Variants in STAG2 observed in about 807,000 individuals in gnomAD.
STAG2 encodes the protein cohesin subunit SA-2.
Under a neutral mutation model 108.1 loss-of-function variants are expected in STAG2, and 14 were observed. The ratio of observed to expected loss-of-function variants is 0.13; its 90% CI spans 0.09 to 0.20. The LOEUF is 0.20. Ranked by LOEUF, STAG2 falls within the 10% of genes least tolerant of loss-of-function variation. STAG2 has a pLI of 1.00. For missense variants in STAG2, 440 were observed against 940.9 expected, an observed-to-expected ratio of 0.47 and a Z score of 6.96; for synonymous variants, 307 against 302.7, an observed-to-expected ratio of 1.01 and a Z score of -0.15.
At chrX:124,072,679 A>AGTG (rs1366329758) in intron 25 of STAG2, among the ~76,000 whole-genome samples, 40 of 98,815 alleles carry the variant, frequency 4.0e-4, no homozygotes, top group Admixed American at 8.9e-4. Context: ...AAGTAATTAT[A>AGTG]GTGTTGTTGT....
intron 1 of STAG2, among the ~76,000 whole-genome samples, chrX:124,008,215 CTTTT>C (rs1198252142): frequency 1.0e-5 from 1 of 97,448 alleles, no homozygotes. Context: ...AATTTTCTTT[CTTTT>C]TTTTTTTTTT....
chrX:124,050,466 A>G (rs1418261715), intron 11 of STAG2, among the ~76,000 whole-genome samples, 157 bp downstream of exon 11: 1 of 111,237 alleles, frequency 9.0e-6, no homozygotes, highest in Non-Finnish European at 1.9e-5. Context: ...CTTATTTTCT[A>G]TCACATAAAG....
rs2059116300 is a variant in STAG2, at chrX:124,086,701, G to C, written c.3208G>C (p.Val1070Leu). Residue 1070 changes from valine (V) to leucine (L), a missense_variant, in exon 30 of 35, where the codon GTA becomes CTA. Transcript: ENST00000371145. ...ISGISSRGST[V>L]RSKKSKPSTG... ...TGGAATCAGCAGCCGGGGGTCAACA[G>C]TACGGAGTAAAAAATCAAAACCATC... The C allele has an allele frequency of 8.3e-7, 1 of 1,211,082 alleles. No individual in the cohort carries two copies. The highest frequency in any genetic ancestry group is 1.1e-6 in the Non-Finnish European group (1 of 895,388).
intron 16 of STAG2, 112 bp downstream of exon 16, chrX:124,061,453 C>T: frequency 1.8e-6 from 1 of 546,593 alleles, no homozygotes; most frequent in Non-Finnish European, 3.0e-6. Context: ...AAAAATCTTA[C>T]TTCGTGCATA....
intron 3 of STAG2, among the ~76,000 whole-genome samples, chrX:124,022,878 T>C (rs928284594): frequency 2.7e-5 from 3 of 112,410 alleles, no homozygotes; most frequent in African/African-American, 9.7e-5. Context: ...TTTAAATTTG[T>C]CTTTTAGTTT....
chrX:123,977,753 C>A (rs2054685616), intron 1 of STAG2, among the ~76,000 whole-genome samples: 1 of 107,649 alleles, frequency 9.3e-6, no homozygotes, highest in Non-Finnish European at 1.9e-5. Context: ...GCATAGTGAG[C>A]TTAAACTTTT....
chrX:124,051,810 T>C (rs1271494033), intron 13 of STAG2, among the ~76,000 whole-genome samples: 1 of 111,369 alleles, frequency 9.0e-6, no homozygotes, highest in Non-Finnish European at 1.9e-5. Flanking sequence ...CAGGATGGTC[T>C]CGATCTCCTG....
At chrX:124,091,828 A>G (rs923995444) in intron 32 of STAG2, among the ~76,000 whole-genome samples, 6 of 112,747 alleles carry the variant, frequency 5.3e-5, no homozygotes, top group African/African-American at 1.3e-4. Context: ...TAAATGTTCA[A>G]TGCTAAAAAA....
chrX:124,095,585 G>A, intron 34 of STAG2, 136 bp downstream of exon 34: 2 of 491,751 alleles, frequency 4.1e-6, no homozygotes, highest in Non-Finnish European at 7.0e-6. Context: ...AGGCAGGCAG[G>A]CAGGATTTCA....
intron 10 of STAG2, 74 bp from the exon 11 acceptor site, chrX:124,050,112 C>T (rs2057991402): frequency 2.8e-6 from 3 of 1,083,345 alleles, no homozygotes; most frequent in Non-Finnish European, 3.7e-6. Context: ...AAGTACTTGG[C>T]ATCTCTTGAA....
chrX:123,961,395 T>C (rs1197019381), upstream of STAG2: 2 of 106,727 alleles, frequency 1.9e-5, no homozygotes, highest in Non-Finnish European at 3.9e-5. Flanking sequence ...AGGTTCCTTT[T>C]CTCCGGCAGG....
chrX:124,049,165 T>C, intron 10 of STAG2, 87 bp downstream of exon 10: 1 of 718,656 alleles, frequency 1.4e-6, no homozygotes. Flanking sequence ...GGAATCTAAA[T>C]TAGCAGGAAG....
intron 1 of STAG2, among the ~76,000 whole-genome samples, chrX:123,994,220 C>G (rs1241223567): frequency 9.0e-6 from 1 of 111,602 alleles, no homozygotes; most frequent in African/African-American, 3.3e-5. Flanking sequence ...AACAGCCCCA[C>G]TCTCTTGGGA....
rs1250228123 is a variant in STAG2, at chrX:124,028,995, A to T, written c.124-1966A>T. On this transcript the variant is annotated intron_variant, in intron 4 of 34. Transcript: ENST00000371145. ...TTTATTTATTTTTATTTATATATATATATATATATATATATATATTTATTT... is the reference window on the plus strand; with the variant it reads ...TTTATTTATTTTTATTTATATATATTTATATATATATATATATATTTATTT... 7.2e-3 allele frequency among the ~76,000 whole-genome samples: 477 copies of T among 65,902 alleles called. 3 individuals carry two copies. The highest frequency in any genetic ancestry group is 0.028 in the African/African-American group (440 of 15,466). The allele number at this position is 65,902 out of a possible 115,157, so 57.2% of individuals were successfully genotyped here.
rs774872309 is a variant in STAG2 at position 124,063,945 on chromosome X, G to A, written c.1919G>A (p.Cys640Tyr). The A allele has an allele frequency of 8.3e-7, 1 of 1,206,443 alleles. No homozygotes were observed. Among genetic ancestry groups the A allele is most frequent in the Non-Finnish European group, 1.1e-6 (1 of 890,670 alleles). Residue 640 changes from cysteine to tyrosine, a missense_variant, in exon 20 of 35, where the codon TGT becomes TAT. Physicochemically the swap from Cys to Tyr is radical, Grantham distance 194. This residue lies in a region of STAG2 where 337 missense variants were observed against 649.3 expected (regional missense o/e 0.52). Transcript: ENST00000371145. ...EACSKTYHALCNEEFTIFNRV... is the reference protein window; with the variant it reads ...EACSKTYHALYNEEFTIFNRV... ...TGTTCTAAAACTTACCATGCACTCT[G>A]TAATGAAGAGTTCACAATCTTCAAC...
chrX:124,006,154 TG>T (rs2056277684), intron 1 of STAG2, among the ~76,000 whole-genome samples: 1 of 111,619 alleles, frequency 9.0e-6, no homozygotes, highest in African/African-American at 3.3e-5. Flanking sequence ...TATGAATGTT[TG>T]GGAGACACAA....
chrX:123,998,629 TCTATCTAA>T lies in STAG2; in HGVS notation c.-162-22734_-162-22727del, dbSNP rs200186554. ...ATCTATCTATCTATCTATCTATCTA[TCTATCTAA>T]CTAACTGATGGCCTTCGTAATAGAT... On this transcript the variant is annotated intron_variant, in intron 1 of 34. Coordinates refer to ENST00000371145, the MANE Select transcript of STAG2 (RefSeq NM_001042750.2). Among the ~76,000 whole-genome samples, 43 of 90,618 alleles carry T rather than the reference TCTATCTAA, an allele frequency of 4.7e-4. 1 individual carries two copies. In the South Asian group the frequency reaches 0.014, roughly 30 times the overall value. 78.7% of individuals were successfully genotyped at this position (90,618 alleles called of 115,157 possible).
At chrX:124,013,423 T>C (rs1298073233) in intron 1 of STAG2, among the ~76,000 whole-genome samples, 1 of 111,183 alleles carries the variant, frequency 9.0e-6, no homozygotes, top group Non-Finnish European at 1.9e-5. Context: ...ATAATGACAG[T>C]ATTAAAACAA....
intron 6 of STAG2, 102 bp downstream of exon 6, chrX:124,037,725 G>A (rs2057562264): frequency 6.0e-6 from 2 of 331,821 alleles, no homozygotes; most frequent in African/African-American, 5.4e-5. Context: ...TAACGCTAAG[G>A]CATTATTTGC....
Sources: allele counts gnomAD v4.1 joint callset (sites outside exome capture counted in the v4.1 genomes callset), GRCh38; gene constraint gnomAD v4.1.1; regional missense constraint gnomAD v4.1.1; transcripts MANE v1.5; gene names NCBI Gene and HGNC (gene_info 2026-07-23, HGNC 2026-07-21).